The following PLEKHA7 variants were observed in gnomAD, a reference collection of about 807,000 sequenced individuals.
PLEKHA7 encodes the protein pleckstrin homology domain containing A7.
Under a neutral mutation model 170.0 loss-of-function variants are expected in PLEKHA7, and 104 were observed. That is an observed-to-expected ratio of 0.61 (90% CI 0.52 to 0.72). The LOEUF is 0.72. Ranked by LOEUF, PLEKHA7 falls within the 30% of genes least tolerant of loss-of-function variation. The pLI, the probability that PLEKHA7 is intolerant of heterozygous loss-of-function variation, is 0.00. For missense variants in PLEKHA7, 1,615 were observed against 1,671.7 expected (o/e 0.97, Z 0.59); for synonymous variants, 648 against 660.8 (o/e 0.98, Z 0.30).
chr11:16,788,790 G>T, intron 23 of PLEKHA7: 1 of 479,272 alleles, frequency 2.1e-6, no homozygotes, highest in Non-Finnish European at 3.8e-6. Flanking sequence ...CCCAGGTCCT[G>T]AATTCAGCCG....
chr11:16,995,092 T>A (rs1244922846), intron 3 of PLEKHA7, among the ~76,000 whole-genome samples: 1 of 152,196 alleles, frequency 6.6e-6, no homozygotes, highest in East Asian at 1.9e-4. Context: ...GTACTTCCTA[T>A]TAACTCATTT....
intron 1 of PLEKHA7, 50 bp downstream of exon 1, chr11:17,014,266 C>G: frequency 7.2e-7 from 1 of 1,394,570 alleles, no homozygotes. Flanking sequence ...CCGGCCCCCG[C>G]CCCCGCGCCC....
At chr11:17,010,597 TTC>T (rs1160953552) in intron 3 of PLEKHA7, among the ~76,000 whole-genome samples, 1 of 152,120 alleles carries the variant, frequency 6.6e-6, no homozygotes, top group East Asian at 1.9e-4. Context: ...CAGAGGAAGA[TTC>T]TGTTTCTTAA....
intron 13 of PLEKHA7, among the ~76,000 whole-genome samples, chr11:16,805,820 CA>C (rs1170155216): frequency 2.8e-5 from 4 of 144,382 alleles, no homozygotes; most frequent in East Asian, 2.0e-4. Context: ...AAAACAAAAA[CA>C]AAAAAAACTG....
chr11:17,013,783 C>G (rs1428168660), intron 3 of PLEKHA7, among the ~76,000 whole-genome samples: 1 of 152,132 alleles, frequency 6.6e-6, no homozygotes, highest in East Asian at 1.9e-4. Context: ...GGCCCAGGTC[C>G]CCAGCGTAGG....
chr11:17,010,875 T>A (rs1336294637), intron 3 of PLEKHA7, among the ~76,000 whole-genome samples: 1 of 151,982 alleles, frequency 6.6e-6, no homozygotes, highest in Non-Finnish European at 1.5e-5. Flanking sequence ...GGGCGGGGGA[T>A]GAGGGAGAGA....
At chr11:16,803,172 C>T (rs1485813439) in intron 14 of PLEKHA7, 55 bp downstream of exon 14, 7 of 1,579,808 alleles carry the variant, frequency 4.4e-6, no homozygotes, top group South Asian at 3.3e-5. Flanking sequence ...GCTGTTCACC[C>T]GGGGTCTGGG....
chr11:16,901,180 A>G (rs1054311209), intron 3 of PLEKHA7, among the ~76,000 whole-genome samples: 2 of 152,202 alleles, frequency 1.3e-5, no homozygotes, highest in East Asian at 1.9e-4. Flanking sequence ...AATGGGATAC[A>G]TATTTTATGA....
At chr11:16,786,799 C>T (rs1373954286) in intron 23 of PLEKHA7, 2 of 985,222 alleles carry the variant, frequency 2.0e-6, no homozygotes, top group African/African-American at 3.5e-5. Flanking sequence ...AAAAACACGC[C>T]CTTCAAGGCC....
At chr11:16,889,271 C>T (rs927888063) in intron 3 of PLEKHA7, among the ~76,000 whole-genome samples, 1 of 151,502 alleles carries the variant, frequency 6.6e-6, no homozygotes, top group Non-Finnish European at 1.5e-5. Flanking sequence ...CAATAGATGA[C>T]CATCTTTTAC....
rs553722949 is a variant in PLEKHA7 at position 16,868,122 on chromosome 11, T to C, written c.305+2977A>G. ...AGTTTAAACCACATCCCTTCCCAGA[T>C]GAGGAGGCCTTCTGTGGTCCCTAAG... On this transcript the variant is annotated intron_variant, in intron 4 of 26. Coordinates refer to ENST00000531066, the MANE Select transcript of PLEKHA7 (RefSeq NM_001329630.2). Among the ~76,000 whole-genome samples, 30 of 152,308 alleles carry C rather than the reference T, an allele frequency of 2.0e-4. 1 individual carries two copies. In the South Asian group the frequency reaches 5.2e-3, roughly 26 times the overall value.
At chr11:16,786,486 G>A (rs1849404219) in intron 23 of PLEKHA7, 99 bp from the exon 24 acceptor site, 6 of 1,509,134 alleles carry the variant, frequency 4.0e-6, no homozygotes, top group Middle Eastern at 3.5e-4. Flanking sequence ...AGATGAACCT[G>A]TGATCCCCTT....
chr11:16,828,355 A>G (rs1370613649), intron 9 of PLEKHA7, among the ~76,000 whole-genome samples: 1 of 152,170 alleles, frequency 6.6e-6, no homozygotes, highest in Non-Finnish European at 1.5e-5. Flanking sequence ...GCCATCATGC[A>G]AAGAAGGACA....
chr11:16,894,556 G>A (rs1205582546), intron 3 of PLEKHA7, among the ~76,000 whole-genome samples: 2 of 152,230 alleles, frequency 1.3e-5, no homozygotes, highest in Non-Finnish European at 2.9e-5. Context: ...TGGAAAGAGT[G>A]TGGCTTTGGA....
At chr11:17,004,707 A>G (rs972925696) in intron 3 of PLEKHA7, among the ~76,000 whole-genome samples, 2 of 152,170 alleles carry the variant, frequency 1.3e-5, no homozygotes, top group African/African-American at 4.8e-5. Flanking sequence ...ATACAACTTT[A>G]GAGAAGTCAC....
intron 3 of PLEKHA7, among the ~76,000 whole-genome samples, chr11:16,980,907 C>G (rs971115811): frequency 1.4e-5 from 2 of 138,622 alleles, no homozygotes. Context: ...AACAAACCAG[C>G]AAGATACGGC....
chr11:16,883,172 G>GTCTC (rs1565065329), intron 3 of PLEKHA7, among the ~76,000 whole-genome samples: 1 of 152,124 alleles, frequency 6.6e-6, no homozygotes, highest in African/African-American at 2.4e-5. Context: ...AAATGTCTTG[G>GTCTC]GAGATACACT....
In PLEKHA7 at chr11:16,947,832, C is replaced by T. The variant is rs1861133508; in HGVS notation, c.221+66157G>A. On this transcript the variant is annotated intron_variant, in intron 3 of 26. Transcript: ENST00000531066. ...TTGGGAGGCTGAGGCACGAGAATTA[C>T]TTGAGCCTTGGAGGCAGAGGCTGCA... 2.0e-5 allele frequency among the ~76,000 whole-genome samples: 3 copies of T among 149,524 alleles called. 1 individual carries two copies. The highest frequency in any genetic ancestry group is 4.4e-5 in the Non-Finnish European group (3 of 67,740).
intron 3 of PLEKHA7, among the ~76,000 whole-genome samples, chr11:16,930,233 A>T (rs1176352001): frequency 3.9e-5 from 6 of 152,104 alleles, no homozygotes; most frequent in African/African-American, 1.4e-4. Flanking sequence ...TCTTAATCCA[A>T]GGACTGAAGG....
Sources: allele counts gnomAD v4.1 joint callset (sites outside exome capture counted in the v4.1 genomes callset), GRCh38; gene constraint gnomAD v4.1.1; transcripts MANE v1.5; gene names NCBI Gene and HGNC (gene_info 2026-07-23, HGNC 2026-07-21).